Variants in CXorf58 observed in about 807,000 individuals in gnomAD.
CXorf58 encodes the protein uncharacterized protein CXorf58.
In CXorf58, 24 loss-of-function variants were observed where a neutral mutation model predicts 26.0. The observed-to-expected ratio is 0.92, with a 90% CI of 0.67 to 1.30. The LOEUF is 1.30. CXorf58 is among the 50% of genes most tolerant of loss of function. CXorf58 has a pLI of 0.00. For synonymous variants in CXorf58, 87 were observed against 86.1 expected, an observed-to-expected ratio of 1.01 and a Z score of -0.06; for missense variants, 236 against 263.9, an observed-to-expected ratio of 0.89 and a Z score of 0.73.
intron 1 of CXorf58, among the ~76,000 whole-genome samples, chrX:23,908,764 T>G (rs1187318668): frequency 8.9e-6 from 1 of 112,374 alleles, no homozygotes; most frequent in Non-Finnish European, 1.9e-5. Context: ...AATTTAGAAT[T>G]TGTACAGTGA....
At chrX:23,928,525 A>G (rs1457472920) in intron 6 of CXorf58, among the ~76,000 whole-genome samples, 5 of 111,621 alleles carry the variant, frequency 4.5e-5, no homozygotes, top group African/African-American at 6.5e-5. Flanking sequence ...GCAAACCTGC[A>G]TCAAGCAAAT....
rs200387112 is a variant in CXorf58 at position 23,939,254 on chromosome X, C to A, written c.950C>A (p.Thr317Lys). The change falls in exon 9 of 9, where the codon ACG becomes AAG. Residue 317 changes from threonine (T) to lysine (K), a missense_variant. Transcript: ENST00000379211. ...KNTSEVTEPK[T>K]GPSGTKDNYH... ...GATAATTCTGCCTAGGAACCAAAAA[C>A]GGGCCCATCAGGTACAAAGGATAAC... 1.7e-6 allele frequency: 2 copies of A among 1,193,122 alleles called. No individual in the cohort carries two copies. Among genetic ancestry groups the A allele is most frequent in the Non-Finnish European group, 1.1e-6 (1 of 883,574 alleles).
chrX:23,923,985 G>A (rs1447260062), intron 5 of CXorf58, among the ~76,000 whole-genome samples: 2 of 111,708 alleles, frequency 1.8e-5, no homozygotes, highest in African/African-American at 3.2e-5. Context: ...AGAATCGCTC[G>A]AATCCAGAAG....
chrX:23,910,760 C>CTTTT (rs779387168), intron 2 of CXorf58, among the ~76,000 whole-genome samples: 168 of 51,317 alleles, frequency 3.3e-3, no homozygotes, highest in Middle Eastern at 0.017. Context: ...TTTTTCCTTT[C>CTTTT]TTTTTTTTTT....
intron 3 of CXorf58, among the ~76,000 whole-genome samples, chrX:23,914,771 G>C (rs1927676588): frequency 9.0e-6 from 1 of 111,047 alleles, no homozygotes; most frequent in East Asian, 2.8e-4. Context: ...TGTAATTCCA[G>C]CTACTCAGGA....
Position 23,908,222 on chromosome X carries a change from T to A in CXorf58, c.-128T>A. Reference sequence around the variant, plus strand: ...CGGCCTGGATTTACCTTACGAAAGGTTTTAACCAAGGACTTGAGGTTTCTC... The same window carrying A: ...CGGCCTGGATTTACCTTACGAAAGGATTTAACCAAGGACTTGAGGTTTCTC... On this transcript the variant is annotated 5_prime_UTR_variant, in exon 1 of 9. Coordinates refer to ENST00000379211, the MANE Select transcript of CXorf58 (RefSeq NM_152761.3). 1 of 114,232 alleles carries A rather than the reference T, an allele frequency of 8.8e-6. No homozygotes were observed. The highest frequency in any genetic ancestry group is 1.9e-5 in the Non-Finnish European group (1 of 53,614). The allele number at this position is 114,232 out of a possible 1,213,427, so 9.4% of individuals were successfully genotyped here. A position where few individuals can be genotyped will look rare whatever the true frequency, so the allele number is the denominator to read the frequency against.
intron 3 of CXorf58, among the ~76,000 whole-genome samples, chrX:23,913,575 C>T (rs954741347): frequency 4.5e-5 from 5 of 111,772 alleles, no homozygotes; most frequent in Non-Finnish European, 9.4e-5. Flanking sequence ...CCATCTGACC[C>T]ACAGACCTAT....
At position 23,936,250 on chromosome X, in the gene CXorf58, T is replaced by C. The variant is rs746372361; in HGVS notation, c.785+825T>C. Among the ~76,000 whole-genome samples the C allele has an allele frequency of 8.1e-4, 90 of 111,586 alleles. 1 individual carries two copies. In the Middle Eastern group the frequency reaches 0.014, roughly 17 times the overall value. ...ATGCAGGTGCTCATTTTTGTTTTCA[T>C]GAATACAGTCAAAAGGGCTCCCCTT... On this transcript the variant is annotated intron_variant, in intron 7 of 8. Coordinates refer to ENST00000379211, the MANE Select transcript of CXorf58 (RefSeq NM_152761.3).
chrX:23,930,025 G>A lies in CXorf58; in HGVS notation c.555+2655G>A, dbSNP rs776404097. Among the ~76,000 whole-genome samples, 10 of 108,076 alleles carry A rather than the reference G, an allele frequency of 9.3e-5. No homozygotes were observed. In the South Asian group the frequency reaches 4.2e-3, roughly 45 times the overall value. 93.9% of individuals were successfully genotyped at this position (108,076 alleles called of 115,157 possible). A position where few individuals can be genotyped will look rare whatever the true frequency, so the allele number is the denominator to read the frequency against. On this transcript the variant is annotated intron_variant, in intron 6 of 8. Coordinates refer to ENST00000379211, the MANE Select transcript of CXorf58 (RefSeq NM_152761.3). ...ATCCTGGCTAACACCGTGAAACCCC[G>A]TCTCTACTAAAAAATACAAAAATTA...
At chrX:23,936,671 G>A (rs1928302924) in intron 7 of CXorf58, among the ~76,000 whole-genome samples, 1 of 111,923 alleles carries the variant, frequency 8.9e-6, no homozygotes, top group Non-Finnish European at 1.9e-5. Flanking sequence ...CTTTGTACAT[G>A]AAGAAGACAC....
chrX:23,909,471 TAAG>T (rs1351147683), intron 1 of CXorf58, among the ~76,000 whole-genome samples: 8 of 112,241 alleles, frequency 7.1e-5, no homozygotes, highest in Non-Finnish European at 1.3e-4. Flanking sequence ...TTTAATGCAT[TAAG>T]AAGACACATT....
chrX:23,936,755 A>G (rs773012379), intron 7 of CXorf58, among the ~76,000 whole-genome samples: 3 of 111,650 alleles, frequency 2.7e-5, no homozygotes, highest in African/African-American at 9.7e-5. Flanking sequence ...TGACCCAATA[A>G]CATAATTTAA....
intron 7 of CXorf58, 129 bp downstream of exon 7, chrX:23,935,554 C>A: frequency 2.1e-6 from 1 of 484,798 alleles, no homozygotes; most frequent in Non-Finnish European, 3.4e-6. Context: ...TTGCTCAAAA[C>A]GTATGCAATT....
At chrX:23,927,203 AC>A (rs1928035071) in intron 5 of CXorf58, 35 bp from the exon 6 acceptor site, 3 of 1,003,941 alleles carry the variant, frequency 3.0e-6, no homozygotes, top group Non-Finnish European at 4.0e-6. Flanking sequence ...ATGCTATTCT[AC>A]TATTTTTAAA....
intron 6 of CXorf58, among the ~76,000 whole-genome samples, chrX:23,932,312 T>G (rs1386824557): frequency 3.6e-5 from 4 of 112,181 alleles, no homozygotes; most frequent in Non-Finnish European, 1.9e-5. Flanking sequence ...GCCACTTTCC[T>G]CATTTATGTT....
intron 3 of CXorf58, among the ~76,000 whole-genome samples, chrX:23,912,440 G>A (rs1192653177): frequency 9.0e-6 from 1 of 111,130 alleles, no homozygotes; most frequent in Non-Finnish European, 1.9e-5. Flanking sequence ...ATGTGAGACA[G>A]TTCTCTTCCA....
chrX:23,919,905 G>A (rs1264861223), intron 5 of CXorf58, among the ~76,000 whole-genome samples: 1 of 112,908 alleles, frequency 8.9e-6, no homozygotes, highest in African/African-American at 3.2e-5. Flanking sequence ...TTGCAGACTT[G>A]TAGAAGTACT....
chrX:23,935,181 G>T lies in CXorf58; in HGVS notation c.556-15G>T, dbSNP rs1928263999. The T allele has an allele frequency of 2.5e-6, 3 of 1,184,817 alleles. No individual in the cohort carries two copies. The highest frequency in any genetic ancestry group is 2.3e-4 in the Middle Eastern group (1 of 4,268). On this transcript the variant is annotated splice_polypyrimidine_tract_variant and intron_variant, in intron 6 of 8. Coordinates refer to ENST00000379211, the MANE Select transcript of CXorf58 (RefSeq NM_152761.3). ...GCACCTGGCCAACTTAATCGTTCTT[G>T]TTTTTTCCCTACAGTATCGCAGTTT...
chrX:23,912,605 G>A (rs748361435), intron 3 of CXorf58, among the ~76,000 whole-genome samples: 23 of 111,123 alleles, frequency 2.1e-4, no homozygotes, highest in Non-Finnish European at 3.4e-4. Context: ...ATAGCCAGGC[G>A]TGGTGGCATG....
Sources: allele counts gnomAD v4.1 joint callset (sites outside exome capture counted in the v4.1 genomes callset), GRCh38; gene constraint gnomAD v4.1.1; transcripts MANE v1.5; gene names NCBI Gene and HGNC (gene_info 2026-07-23, HGNC 2026-07-21).